OPCML: variants seen among roughly 807,000 people sequenced by gnomAD.
OPCML encodes the protein opioid binding protein/cell adhesion molecule like.
OPCML carries 13 observed loss-of-function variants against 37.8 expected under a neutral mutation model. That is an observed-to-expected ratio of 0.34 (90% CI 0.22 to 0.55). OPCML has a LOEUF of 0.55. Ranked by LOEUF, OPCML falls within the 20% of genes least tolerant of loss-of-function variation. OPCML has a pLI of 0.91. For synonymous variants in OPCML, 176 were observed against 168.8 expected (o/e 1.04, Z -0.33); for missense variants, 341 against 435.6 (o/e 0.78, Z 1.93).
rs1467675627 is a variant in OPCML at position 133,207,910 on chromosome 11, T to G, written c.62-264900A>C. ...TTTTTGGACCCTGTAACACGCTCTG[T>G]TTTACTTCGCCGCAGGGTCTTCATT... On this transcript the variant is annotated intron_variant, in intron 1 of 7. Coordinates refer to ENST00000524381, the MANE Select transcript of OPCML (RefSeq NM_001012393.5). Among the ~76,000 whole-genome samples the G allele has an allele frequency of 2.2e-5, 3 of 133,866 alleles. No individual in the cohort carries two copies. In the East Asian group the frequency reaches 5.8e-4, roughly 26 times the overall value. 87.8% of individuals were successfully genotyped at this position (133,866 alleles called of 152,430 possible).
At chr11:133,363,585 G>A (rs974660227) in intron 1 of OPCML, among the ~76,000 whole-genome samples, 2 of 152,200 alleles carry the variant, frequency 1.3e-5, no homozygotes, top group African/African-American at 4.8e-5. Flanking sequence ...AGATGCTGTC[G>A]GGTTGGGGAG....
At chr11:132,532,193 C>T (rs2096327420) in intron 3 of OPCML, among the ~76,000 whole-genome samples, 1 of 152,140 alleles carries the variant, frequency 6.6e-6, no homozygotes, top group Non-Finnish European at 1.5e-5. Context: ...GAAAGAGCTT[C>T]CTGAAGTGGG....
chr11:133,472,114 G>C (rs1947129688), intron 1 of OPCML, among the ~76,000 whole-genome samples: 1 of 152,070 alleles, frequency 6.6e-6, no homozygotes. Flanking sequence ...AAAGACAAGT[G>C]AACCCTTTTA....
chr11:132,827,219 C>T (rs925252886), intron 2 of OPCML, among the ~76,000 whole-genome samples: 1 of 152,082 alleles, frequency 6.6e-6, no homozygotes, highest in Non-Finnish European at 1.5e-5. Flanking sequence ...CAAAACTCAA[C>T]AATAAAAAAC....
intron 2 of OPCML, among the ~76,000 whole-genome samples, chr11:132,724,621 A>C (rs528575095): frequency 6.6e-6 from 1 of 152,320 alleles, no homozygotes; most frequent in South Asian, 2.1e-4. Flanking sequence ...GAGTTTCTCA[A>C]AGTCTTAACC....
At position 132,691,929 on chromosome 11, in the gene OPCML, T is replaced by G. The variant is rs760821682; in HGVS notation, c.147-34610A>C. On this transcript the variant is annotated intron_variant, in intron 2 of 7. Coordinates refer to ENST00000524381, the MANE Select transcript of OPCML (RefSeq NM_001012393.5). ...ACAGTATCGACAGATTTGAGGGTGTTGATTAAGGGACTTGATATGGCAAAA... is the reference window on the plus strand; with the variant it reads ...ACAGTATCGACAGATTTGAGGGTGTGGATTAAGGGACTTGATATGGCAAAA... Among the ~76,000 whole-genome samples the G allele has an allele frequency of 4.3e-4, 66 of 152,108 alleles. 1 individual carries two copies. Among genetic ancestry groups the G allele is most frequent in the Admixed American group, 2.6e-4 (4 of 15,280 alleles).
intron 4 of OPCML, among the ~76,000 whole-genome samples, chr11:132,477,124 C>A (rs1364702268): frequency 6.6e-6 from 1 of 152,130 alleles, no homozygotes; most frequent in Admixed American, 6.5e-5. Flanking sequence ...AGGTTGGAGA[C>A]CACAGATAAC....
At chr11:133,146,535 G>T (rs985105989) in intron 1 of OPCML, among the ~76,000 whole-genome samples, 3 of 152,046 alleles carry the variant, frequency 2.0e-5, no homozygotes, top group Non-Finnish European at 4.4e-5. Context: ...GGCTGATCTT[G>T]AACTCCTGAC....
chr11:133,019,783 C>G (rs1221740946), intron 1 of OPCML, among the ~76,000 whole-genome samples: 6 of 151,996 alleles, frequency 3.9e-5, no homozygotes, highest in African/African-American at 7.2e-5. Flanking sequence ...GGGCTTCCTT[C>G]TAGGAATTCC....
At chr11:133,489,835 CAT>C (rs34169016) in intron 1 of OPCML, among the ~76,000 whole-genome samples, 236 of 135,042 alleles carry the variant, frequency 1.7e-3, no homozygotes, top group African/African-American at 3.7e-3. Flanking sequence ...TGTGTATATA[CAT>C]ATATATATAT....
rs1212529625 is a variant in OPCML, at chr11:133,327,077, C to T, written c.61+205187G>A. ...GTGGGGTGTGGGTGGGATGTGTGCA[C>T]GAGATGGGGTATGTGGTGGTGTGTG... On this transcript the variant is annotated intron_variant, in intron 1 of 7. Transcript: ENST00000524381. 2.3e-4 allele frequency among the ~76,000 whole-genome samples: 11 copies of T among 47,024 alleles called. No individual in the cohort carries two copies. The East Asian group carries it at 2.5e-3, about 11-fold the overall frequency. The allele number at this position is 47,024 out of a possible 152,430, so 30.8% of individuals were successfully genotyped here.
chr11:133,443,351 G>A (rs181407747), intron 1 of OPCML, among the ~76,000 whole-genome samples: 1 of 152,322 alleles, frequency 6.6e-6, no homozygotes, highest in East Asian at 1.9e-4. Context: ...AGATCTGCTG[G>A]CGATTCAGCC....
chr11:133,278,227 T>G (rs867716052), intron 1 of OPCML, among the ~76,000 whole-genome samples: 1 of 152,158 alleles, frequency 6.6e-6, no homozygotes, highest in African/African-American at 2.4e-5. Context: ...CCATGAGTAC[T>G]GATTTCTGTC....
intron 2 of OPCML, among the ~76,000 whole-genome samples, chr11:132,738,625 T>C (rs1386006142): frequency 6.6e-6 from 1 of 152,200 alleles, no homozygotes; most frequent in African/African-American, 2.4e-5. Context: ...TTCTACAGTG[T>C]CCATGTGAGG....
At chr11:133,465,222 T>C (rs11822587) in intron 1 of OPCML, among the ~76,000 whole-genome samples, 20,081 of 152,136 alleles carry the variant, frequency 0.13, 3,156 homozygotes, top group African/African-American at 0.37. Context: ...GGCCCCTTCT[T>C]CACATCACTG....
intron 1 of OPCML, among the ~76,000 whole-genome samples, chr11:133,130,148 AATGTGT>A (rs1361834332): frequency 6.6e-6 from 1 of 152,086 alleles, no homozygotes; most frequent in Non-Finnish European, 1.5e-5. Context: ...AAAAAGCTAC[AATGTGT>A]GAGATAAAGA....
chr11:132,730,842 C>T (rs1187003529), intron 2 of OPCML, among the ~76,000 whole-genome samples: 1 of 151,630 alleles, frequency 6.6e-6, no homozygotes, highest in Non-Finnish European at 1.5e-5. Flanking sequence ...TCACATGAAG[C>T]CTGTATTTGT....
At chr11:132,669,203 T>C (rs1157941398) in intron 2 of OPCML, among the ~76,000 whole-genome samples, 3 of 151,978 alleles carry the variant, frequency 2.0e-5, no homozygotes, top group Non-Finnish European at 4.4e-5. Context: ...ATAAACAGGA[T>C]ACTGCTCAGT....
chr11:132,709,785 T>C (rs979547602), intron 2 of OPCML, among the ~76,000 whole-genome samples: 5 of 152,204 alleles, frequency 3.3e-5, no homozygotes, highest in Non-Finnish European at 7.3e-5. Context: ...CAAGGCTTTA[T>C]GATTTGTTAA....
Sources: gnomAD v4.1 joint callset for allele counts (sites outside exome capture counted in the v4.1 genomes callset) on GRCh38, gnomAD v4.1.1 for gene constraint, MANE v1.5 for transcripts, NCBI Gene and HGNC (gene_info 2026-07-23, HGNC 2026-07-21) for gene names.